LIN52: variants seen among roughly 807,000 people sequenced by gnomAD.
LIN52 encodes protein lin-52 homolog.
In LIN52, 4 loss-of-function variants were observed where a neutral mutation model predicts 18.5. The observed-to-expected ratio is 0.22, with a 90% CI of 0.11 to 0.49. The LOEUF is 0.49. Ranked by LOEUF, LIN52 falls within the 20% of genes least tolerant of loss-of-function variation. The pLI is 0.97. For synonymous variants in LIN52, 34 were observed against 45.5 expected (o/e 0.75, Z 1.02); for missense variants, 102 against 139.5 (o/e 0.73, Z 1.35).
chr14:74,087,799 C>T (rs1250623281), intron 1 of LIN52, among the ~76,000 whole-genome samples: 1 of 152,126 alleles, frequency 6.6e-6, no homozygotes, highest in African/African-American at 2.4e-5. Context: ...TCAAATACAG[C>T]CATCTAATTA....
chr14:74,135,975 T>G (rs1038083255), intron 5 of LIN52, among the ~76,000 whole-genome samples: 1 of 152,240 alleles, frequency 6.6e-6, no homozygotes, highest in African/African-American at 2.4e-5. Context: ...ACTATTGAGA[T>G]AGTTTTCTCC....
At chr14:74,101,621 G>A (rs1320553344) in intron 5 of LIN52, among the ~76,000 whole-genome samples, 1 of 151,920 alleles carries the variant, frequency 6.6e-6, no homozygotes, top group Non-Finnish European at 1.5e-5. Flanking sequence ...ACTACGCCCG[G>A]CTGATTTTTT....
chr14:74,147,480 G>T (rs2061157083), intron 5 of LIN52, among the ~76,000 whole-genome samples: 1 of 152,120 alleles, frequency 6.6e-6, no homozygotes, highest in African/African-American at 2.4e-5. Context: ...GTGCTTCAAA[G>T]ACACCATTAA....
At chr14:74,102,176 G>T (rs538637259) in intron 5 of LIN52, among the ~76,000 whole-genome samples, 263 of 152,292 alleles carry the variant, frequency 1.7e-3, no homozygotes, top group Non-Finnish European at 3.4e-3. Flanking sequence ...CTGGGAGGCA[G>T]AGGTTGCAGT....
intron 5 of LIN52, among the ~76,000 whole-genome samples, chr14:74,140,974 G>A (rs562287092): frequency 2.0e-5 from 3 of 151,946 alleles, no homozygotes; most frequent in Non-Finnish European, 2.9e-5. Context: ...AAAAGCTATC[G>A]TAGGAACATT....
intron 5 of LIN52, among the ~76,000 whole-genome samples, chr14:74,140,258 A>G (rs574184345): frequency 6.6e-6 from 1 of 152,300 alleles, no homozygotes; most frequent in East Asian, 1.9e-4. Flanking sequence ...CAGAATGTGC[A>G]TGATTTTGCC....
At chr14:74,130,285 T>TG (rs2061056736) in intron 5 of LIN52, among the ~76,000 whole-genome samples, 1 of 128,514 alleles carries the variant, frequency 7.8e-6, no homozygotes. Flanking sequence ...TTGGTTTTTT[T>TG]TTTTTTTTTT....
intron 5 of LIN52, among the ~76,000 whole-genome samples, chr14:74,111,610 T>G (rs757441920): frequency 3.6e-4 from 19 of 52,402 alleles, no homozygotes; most frequent in South Asian, 9.3e-4. Flanking sequence ...CCCCTGGTAT[T>G]TATTTATTTA....
intron 5 of LIN52, among the ~76,000 whole-genome samples, chr14:74,161,354 T>G (rs1460530487): frequency 2.0e-5 from 3 of 152,120 alleles, no homozygotes; most frequent in Non-Finnish European, 4.4e-5. Flanking sequence ...CCCAGCTAAT[T>G]TTTGTATTTT....
chr14:74,101,071 T>C (rs1334141956), intron 4 of LIN52, 84 bp from the exon 5 acceptor site: 6 of 1,048,058 alleles, frequency 5.7e-6, no homozygotes, highest in Non-Finnish European at 8.7e-6. Flanking sequence ...TGAAAACTTG[T>C]ATAACAAGAG....
At chr14:74,098,130 G>A (rs1040173297) in intron 4 of LIN52, among the ~76,000 whole-genome samples, 5 of 152,000 alleles carry the variant, frequency 3.3e-5, no homozygotes, top group African/African-American at 4.8e-5. Flanking sequence ...TACAGTTAAC[G>A]AATAGCTCTA....
chr14:74,135,831 T>A (rs1177259834), intron 5 of LIN52, among the ~76,000 whole-genome samples: 1 of 148,260 alleles, frequency 6.7e-6, no homozygotes, highest in Non-Finnish European at 1.5e-5. Flanking sequence ...TTTTTTTTTT[T>A]AACTCCTTAA....
At chr14:74,165,365 T>A (rs1316221657) in intron 5 of LIN52, among the ~76,000 whole-genome samples, 1 of 151,852 alleles carries the variant, frequency 6.6e-6, no homozygotes, top group Non-Finnish European at 1.5e-5. Context: ...TACAGGCACT[T>A]TTTTTTTCAT....
chr14:74,159,789 C>A (rs556488695), intron 5 of LIN52, among the ~76,000 whole-genome samples: 172 of 152,236 alleles, frequency 1.1e-3, no homozygotes, highest in Admixed American at 2.4e-3. Flanking sequence ...CCAGGCTGGT[C>A]TCGAACTCGT....
At chr14:74,150,945 C>T (rs554435497) in intron 5 of LIN52, among the ~76,000 whole-genome samples, 8 of 152,168 alleles carry the variant, frequency 5.3e-5, no homozygotes, top group African/African-American at 1.7e-4. Flanking sequence ...TAATGGGATA[C>T]GAGTAGCTGG....
At chr14:74,089,655 C>T (rs577095951) in intron 1 of LIN52, among the ~76,000 whole-genome samples, 16 of 152,232 alleles carry the variant, frequency 1.1e-4, no homozygotes, top group Admixed American at 9.8e-4. Flanking sequence ...AGGCGTGCAC[C>T]ACTGCATCTG....
intron 5 of LIN52, among the ~76,000 whole-genome samples, chr14:74,146,937 C>G (rs1173672170): frequency 1.3e-5 from 2 of 152,188 alleles, no homozygotes; most frequent in African/African-American, 4.8e-5. Context: ...GAAAAGTAGT[C>G]TCTTTCAACA....
intron 1 of LIN52, among the ~76,000 whole-genome samples, chr14:74,086,598 T>G (rs540565944): frequency 6.6e-6 from 1 of 151,820 alleles, no homozygotes; most frequent in African/African-American, 2.4e-5. Flanking sequence ...GAGGCGGCAG[T>G]GAACCATGTT....
chr14:74,193,736 C>A (rs1020603040), intron 5 of LIN52, among the ~76,000 whole-genome samples: 1 of 152,172 alleles, frequency 6.6e-6, no homozygotes, highest in South Asian at 2.1e-4. Context: ...AGAAAAATAA[C>A]TTGGTAATTT....
Sources: allele counts gnomAD v4.1 joint callset (sites outside exome capture counted in the v4.1 genomes callset), GRCh38; gene constraint gnomAD v4.1.1; transcripts MANE v1.5; gene names NCBI Gene and HGNC (gene_info 2026-07-23, HGNC 2026-07-21).